Variants in PDZRN4 observed in about 807,000 individuals in gnomAD.
PDZRN4 encodes the protein PDZ domain containing ring finger 4.
Under a neutral mutation model 99.0 loss-of-function variants are expected in PDZRN4, and 70 were observed. That is an observed-to-expected ratio of 0.71 (90% CI 0.58 to 0.86). The LOEUF (loss-of-function observed/expected upper bound fraction) is 0.86, where lower values mean the gene tolerates loss of function less well. Among genes scored for constraint, PDZRN4 ranks in the 40% least tolerant of loss-of-function variants. PDZRN4 has a pLI of 0.00. For missense variants in PDZRN4, 1,474 were observed against 1,331.2 expected (o/e 1.11, Z -1.67); for synonymous variants, 551 against 501.6 (o/e 1.10, Z -1.32).
Position 41,573,043 on chromosome 12 carries a change from C to T in PDZRN4, c.2264C>T (p.Ser755Phe), listed in dbSNP as rs760735890. 1.2e-6 allele frequency: 2 copies of T among 1,614,114 alleles called. No individual in the cohort carries two copies. The highest frequency in any genetic ancestry group is 2.2e-5 in the East Asian group (1 of 44,878). The change falls in exon 10 of 10, where the codon TCC (serine) becomes TTC (phenylalanine). Residue 755 changes from serine (S) to phenylalanine (F), a missense_variant. Physicochemically the swap from Ser to Phe is radical, Grantham distance 155. Coordinates refer to ENST00000402685, the MANE Select transcript of PDZRN4 (RefSeq NM_001164595.2). ...AGTACTCCGCTCACTGTAGACCGTT[C>T]CCCTGACAGTTCCCTTCCAAGGGTG... ...CRSTPLTVDR[S>F]PDSSLPRVIN...
At chr12:41,190,827 G>A (rs540359899) in intron 1 of PDZRN4, among the ~76,000 whole-genome samples, 2 of 152,152 alleles carry the variant, frequency 1.3e-5, no homozygotes, top group South Asian at 4.2e-4. Flanking sequence ...ATTCATATTT[G>A]TTTTACTATT....
At chr12:41,489,412 G>A (rs1374427495) in intron 3 of PDZRN4, among the ~76,000 whole-genome samples, 2 of 152,082 alleles carry the variant, frequency 1.3e-5, no homozygotes, top group Non-Finnish European at 2.9e-5. Flanking sequence ...AAAGGTTCTA[G>A]CAATATTCAA....
At chr12:41,198,456 A>G (rs1950792698) in intron 3 of PDZRN4, among the ~76,000 whole-genome samples, 1 of 152,100 alleles carries the variant, frequency 6.6e-6, no homozygotes, top group Non-Finnish European at 1.5e-5. Context: ...AATAGCTCAG[A>G]GCACAAAGCA....
intron 5 of PDZRN4, among the ~76,000 whole-genome samples, chr12:41,514,803 TG>T (rs1240107947): frequency 6.6e-6 from 1 of 152,102 alleles, no homozygotes; most frequent in Non-Finnish European, 1.5e-5. Flanking sequence ...TATTTGTTCT[TG>T]GAGTCAGGAG....
intron 6 of PDZRN4, among the ~76,000 whole-genome samples, chr12:41,555,090 G>A (rs1291115473): frequency 1.3e-5 from 2 of 149,094 alleles, no homozygotes; most frequent in Non-Finnish European, 3.0e-5. Context: ...AATTAGCCAG[G>A]CGTGGTGGCA....
chr12:41,265,453 A>G (rs979066896), intron 3 of PDZRN4, among the ~76,000 whole-genome samples: 1 of 152,244 alleles, frequency 6.6e-6, no homozygotes, highest in Non-Finnish European at 1.5e-5. Context: ...AAACCATTCT[A>G]TGTGACACCA....
At chr12:41,533,338 C>T (rs1046763571) in intron 5 of PDZRN4, among the ~76,000 whole-genome samples, 1 of 152,048 alleles carries the variant, frequency 6.6e-6, no homozygotes, top group Non-Finnish European at 1.5e-5. Flanking sequence ...CCACACCTGG[C>T]TACTTTTTGT....
intron 3 of PDZRN4, among the ~76,000 whole-genome samples, chr12:41,405,595 G>T (rs550601506): frequency 9.7e-4 from 147 of 152,260 alleles, no homozygotes; most frequent in African/African-American, 2.9e-3. Context: ...TTTCATTACT[G>T]GGTATATACC....
chr12:41,356,283 T>G (rs954166070), intron 3 of PDZRN4, among the ~76,000 whole-genome samples: 1 of 152,066 alleles, frequency 6.6e-6, no homozygotes, highest in Non-Finnish European at 1.5e-5. Context: ...GAGATTGGAT[T>G]CAATATTAGA....
At chr12:41,509,729 T>C (rs920555196) in intron 4 of PDZRN4, 82 bp from the exon 5 acceptor site, 2 of 680,576 alleles carry the variant, frequency 2.9e-6, no homozygotes, top group African/African-American at 3.6e-5. Flanking sequence ...CAGAGCAAAC[T>C]AAAGTGAAAT....
intron 3 of PDZRN4, among the ~76,000 whole-genome samples, chr12:41,279,107 C>G (rs370304073): frequency 2.0e-5 from 3 of 152,174 alleles, no homozygotes; most frequent in Non-Finnish European, 2.9e-5. Context: ...ACCAGTTACA[C>G]GCAGGGTTCG....
intron 3 of PDZRN4, among the ~76,000 whole-genome samples, chr12:41,225,996 G>T (rs1025642745): frequency 6.6e-6 from 1 of 151,642 alleles, no homozygotes; most frequent in Admixed American, 6.6e-5. Flanking sequence ...CATTCTTTCC[G>T]GTCAACAATT....
At chr12:41,361,701 G>T (rs1307524117) in intron 3 of PDZRN4, among the ~76,000 whole-genome samples, 1 of 152,060 alleles carries the variant, frequency 6.6e-6, no homozygotes, top group African/African-American at 2.4e-5. Context: ...CTGAATGTCA[G>T]ATAAAGGTGA....
rs192556937 is a variant in PDZRN4, at chr12:41,361,027, A to G, written c.844-145429A>G. Reference sequence around the variant, plus strand: ...ATACATGCATATGCAATATATACAAATGCATGCTTACACACACATATTTAT... The same window carrying G: ...ATACATGCATATGCAATATATACAAGTGCATGCTTACACACACATATTTAT... On this transcript the variant is annotated intron_variant, in intron 3 of 9. Transcript: ENST00000402685. Among the ~76,000 whole-genome samples the G allele has an allele frequency of 1.3e-3, 193 of 152,038 alleles. 1 individual carries two copies. Among genetic ancestry groups the G allele is most frequent in the African/African-American group, 4.4e-3 (184 of 41,490 alleles).
At chr12:41,359,750 C>T (rs1270555671) in intron 3 of PDZRN4, among the ~76,000 whole-genome samples, 1 of 151,974 alleles carries the variant, frequency 6.6e-6, no homozygotes, top group Non-Finnish European at 1.5e-5. Flanking sequence ...ATCAATTAAA[C>T]CTCTTTCCTT....
intron 3 of PDZRN4, among the ~76,000 whole-genome samples, chr12:41,283,133 G>A (rs560000772): frequency 2.0e-5 from 3 of 151,674 alleles, no homozygotes; most frequent in Admixed American, 1.3e-4. Flanking sequence ...TAATTAAGAA[G>A]AAAAGAGAGA....
At chr12:41,228,989 T>C (rs1349739676) in intron 3 of PDZRN4, among the ~76,000 whole-genome samples, 3 of 151,920 alleles carry the variant, frequency 2.0e-5, no homozygotes, top group Admixed American at 2.0e-4. Context: ...TCTGAAGATA[T>C]GACATCCTTT....
intron 3 of PDZRN4, among the ~76,000 whole-genome samples, chr12:41,286,336 C>CTTTTTTTTTT (rs71081721): frequency 1.7e-3 from 182 of 106,238 alleles, no homozygotes; most frequent in African/African-American, 2.3e-3. Flanking sequence ...CCTTCTTCTT[C>CTTTTTTTTTT]TTTTTTTTTT....
Position 41,563,613 on chromosome 12 carries a change from G to A in PDZRN4, c.1431G>A (p.Lys477=), listed in dbSNP as rs766490628. 2.5e-6 allele frequency: 4 copies of A among 1,613,370 alleles called. No individual in the cohort carries two copies. The South Asian group carries it at 3.3e-5, about 13-fold the overall frequency. ...AVALLSNDEC[K]RIVLLVARPE... ...CCTTGCTGTCTAACGATGAGTGTAA[G>A]AGAATCGTGCTGCTTGTTGCAAGGC... Residue 477 remains lysine (K), a synonymous_variant, in exon 8 of 10, where the codon AAG becomes AAA. Coordinates refer to ENST00000402685, the MANE Select transcript of PDZRN4 (RefSeq NM_001164595.2).
Sources: allele counts gnomAD v4.1 joint callset (sites outside exome capture counted in the v4.1 genomes callset), GRCh38; gene constraint gnomAD v4.1.1; transcripts MANE v1.5; gene names NCBI Gene and HGNC (gene_info 2026-07-23, HGNC 2026-07-21).